Variants in ZNF468 observed in about 807,000 individuals in gnomAD.
ZNF468 encodes zinc finger protein ZNF468.
In ZNF468, 8 loss-of-function variants were observed where a neutral mutation model predicts 7.2. The ratio of observed to expected loss-of-function variants is 1.11; its 90% CI spans 0.65 to 2.01. ZNF468 has a LOEUF of 2.01. Ranked by LOEUF, ZNF468 falls within the 30% of genes most tolerant of loss-of-function variation. ZNF468 has a pLI of 0.00. For missense variants in ZNF468, 608 were observed against 626.5 expected (o/e 0.97, Z 0.31); for synonymous variants, 218 against 214.4 (o/e 1.02, Z -0.15).
Position 52,841,809 on chromosome 19 carries a change from T to G in ZNF468, c.485A>C (p.Asn162Thr), listed in dbSNP as rs142695012. 31 of 1,614,102 alleles carry G rather than the reference T, an allele frequency of 1.9e-5. No individual in the cohort carries two copies. In the African/African-American group the frequency reaches 3.7e-4, roughly 19 times the overall value. Residue 162 changes from asparagine to threonine, a missense_variant, in exon 4 of 4, where the codon AAT (asparagine) becomes ACT (threonine). Asn to Thr is a moderately conservative substitution (Grantham distance 65). Coordinates refer to ENST00000595646, the MANE Select transcript of ZNF468 (RefSeq NM_001008801.2). ...ATTGTTGATAGACTTCTCAACTTGA[T>G]TACCAATTTTCCCTTCAGACTGAAA... ...HIFQSEGKIG[N>T]QVEKSINNAS...
chr19:52,847,507 G>C (rs1175857613), intron 3 of ZNF468, among the ~76,000 whole-genome samples: 1 of 151,174 alleles, frequency 6.6e-6, no homozygotes, highest in African/African-American at 2.4e-5. Flanking sequence ...AAAGAGGGAG[G>C]CCTCTTTGCA....
chr19:52,851,920 G>A (rs1785619802), intron 2 of ZNF468, among the ~76,000 whole-genome samples: 1 of 152,100 alleles, frequency 6.6e-6, no homozygotes, highest in South Asian at 2.1e-4. Flanking sequence ...GCATGTATAT[G>A]TATAGATGTG....
Position 52,838,077 on chromosome 19 carries a change from T to C in ZNF468, c.*2648A>G, listed in dbSNP as rs1012157292. On this transcript the variant is annotated 3_prime_UTR_variant, in exon 4 of 4. Transcript: ENST00000595646. The stretch of plus-strand genomic sequence containing the variant: ...GACATCATGTGCAATTTTCACATAA[T>C]ATGTATTTTTTTCATGAACTTCTTG... 1 of 152,176 alleles carries C rather than the reference T, an allele frequency of 6.6e-6. No individual in the cohort carries two copies. Among genetic ancestry groups the C allele is most frequent in the Non-Finnish European group, 1.5e-5 (1 of 68,028 alleles). 9.4% of individuals were successfully genotyped at this position (152,176 alleles called of 1,614,324 possible). A position where few individuals can be genotyped will look rare whatever the true frequency, so the allele number is the denominator to read the frequency against.
rs73936430 is a variant in ZNF468 at position 52,841,421 on chromosome 19, C to T, written c.873G>A (p.Ala291=). 5,549 of 1,613,886 alleles carry T rather than the reference C, an allele frequency of 3.4e-3. 171 individuals carry two copies. In the African/African-American group the frequency reaches 0.065, roughly 19 times the overall value. The change falls in exon 4 of 4, where the codon GCG becomes GCA. Residue 291 remains alanine, a synonymous_variant. Coordinates refer to ENST00000595646, the MANE Select transcript of ZNF468 (RefSeq NM_001008801.2). ...GHNSSLFIHK[A]LHTGEKPYEC... is the part of the protein sequence containing the mutation. ...CATAAGGTTTCTCTCCAGTATGAAG[C>T]GCTTTGTGAATGAAGAGGGATGAAT...
chr19:52,845,870 G>T (rs375818784), intron 3 of ZNF468, among the ~76,000 whole-genome samples: 3 of 152,034 alleles, frequency 2.0e-5, no homozygotes, highest in East Asian at 3.9e-4. Context: ...GGCTGTGGTG[G>T]CGCATGCCTG....
chr19:52,857,204 C>T (rs1343364254), intron 1 of ZNF468, among the ~76,000 whole-genome samples: 2 of 151,916 alleles, frequency 1.3e-5, no homozygotes, highest in African/African-American at 4.8e-5. Context: ...CTGGGGTCGC[C>T]GCGCTGTGCT....
At chr19:52,854,109 T>G (rs2063415318) in intron 2 of ZNF468, 149 bp downstream of exon 2, 1 of 1,567,344 alleles carries the variant, frequency 6.4e-7, no homozygotes. Context: ...AGACGGAACC[T>G]AAGCGAGATG....
In ZNF468 at chr19:52,841,556, A is replaced by T. The variant is rs749368180; in HGVS notation, c.738T>A (p.Asp246Glu). ...TCTGATTAAAGACCTTGCCACATAC[A>T]TCACATTTACATTGTTTCTCTTCTA... Reference protein sequence around the residue: ...IHLEEKQCKCDVCGKVFNQKR... With the variant: ...IHLEEKQCKCEVCGKVFNQKR... Residue 246 changes from aspartate to glutamate, a missense_variant, in exon 4 of 4, where the codon GAT becomes GAA. Coordinates refer to ENST00000595646, the MANE Select transcript of ZNF468 (RefSeq NM_001008801.2). 2 of 1,614,146 alleles carry T rather than the reference A, an allele frequency of 1.2e-6. No homozygotes were observed. The highest frequency in any genetic ancestry group is 2.2e-5 in the East Asian group (1 of 44,864).
intron 2 of ZNF468, among the ~76,000 whole-genome samples, chr19:52,850,759 C>G (rs1164301107): frequency 6.6e-6 from 1 of 151,512 alleles, no homozygotes; most frequent in Admixed American, 6.6e-5. Context: ...ATTAGCCGGG[C>G]GTGGTGGCGG....
At chr19:52,856,892 T>G (rs569613849) in intron 1 of ZNF468, among the ~76,000 whole-genome samples, 1 of 152,242 alleles carries the variant, frequency 6.6e-6, no homozygotes, top group Non-Finnish European at 1.5e-5. Context: ...TCTCAGTCCC[T>G]CTCTCTGTCT....
chr19:52,850,823 C>T (rs28687979), intron 2 of ZNF468, among the ~76,000 whole-genome samples: 64,461 of 149,108 alleles, frequency 0.43, 13,695 homozygotes, highest in South Asian at 0.62. Context: ...GGCGTGAACC[C>T]GGGAGGTGGA....
In ZNF468 at chr19:52,840,720, C is replaced by A; in HGVS notation, c.*5G>T. On this transcript the variant is annotated 3_prime_UTR_variant, in exon 4 of 4. Coordinates refer to ENST00000595646, the MANE Select transcript of ZNF468 (RefSeq NM_001008801.2). ...ATGGAAGGTCTTGCCACACTCATTA[C>A]ACTATTAAGGCTTCTCTCCACTATG... The A allele has an allele frequency of 6.2e-7, 1 of 1,613,508 alleles. No homozygotes were observed. Among genetic ancestry groups the A allele is most frequent in the Non-Finnish European group, 8.5e-7 (1 of 1,179,634 alleles).
At chr19:52,842,956 T>G (rs2063317499) in intron 3 of ZNF468, among the ~76,000 whole-genome samples, 2 of 150,474 alleles carry the variant, frequency 1.3e-5, no homozygotes, top group Admixed American at 6.6e-5. Context: ...ACCCCGTCGC[T>G]ACTAAAGACA....
Position 52,841,060 on chromosome 19 carries a change from T to C in ZNF468, c.1234A>G (p.Lys412Glu), listed in dbSNP as rs1431146395. The C allele has an allele frequency of 1.2e-6, 2 of 1,612,816 alleles. No individual in the cohort carries two copies. Among genetic ancestry groups the C allele is most frequent in the Non-Finnish European group, 1.7e-6 (2 of 1,179,242 alleles). ...RRIHSGEKPYKCEECCKVFSR... is the reference protein window; with the variant it reads ...RRIHSGEKPYECEECCKVFSR... ...AAAACTTTGCAACATTCTTCACATT[T>C]GTAAGGTTTCTCTCCACTATGAATC... Residue 412 changes from lysine to glutamate, a missense_variant, in exon 4 of 4, where the codon AAA becomes GAA. Transcript: ENST00000595646.
At chr19:52,854,095 C>A (rs377509244) in intron 2 of ZNF468, 163 bp downstream of exon 2, 2 of 1,543,750 alleles carry the variant, frequency 1.3e-6, no homozygotes, top group Non-Finnish European at 1.7e-6. Context: ...CACTGGGTCA[C>A]GAGAGACGGA....
chr19:52,855,785 C>T (rs548628136), intron 1 of ZNF468, among the ~76,000 whole-genome samples: 103 of 152,326 alleles, frequency 6.8e-4, no homozygotes, highest in African/African-American at 2.3e-3. Context: ...ACCCAGACAC[C>T]GCCTCTATTT....
In ZNF468 at chr19:52,841,890, C is replaced by G; in HGVS notation, c.404G>C (p.Arg135Pro). Residue 135 changes from arginine to proline, a missense_variant, in exon 4 of 4, where the codon CGT becomes CCT. Transcript: ENST00000595646. ...QHDQRHAGNK[R>P]IKDQLGSSFH... ...GCTTGATCCAAGCTGATCTTTAATA[C>G]GCTTGTTTCCAGCATGCCTTTGATC... 1 of 1,614,026 alleles carries G rather than the reference C, an allele frequency of 6.2e-7. No homozygotes were observed. Among genetic ancestry groups the G allele is most frequent in the Non-Finnish European group, 8.5e-7 (1 of 1,180,008 alleles).
intron 1 of ZNF468, among the ~76,000 whole-genome samples, chr19:52,856,923 C>A: frequency 6.6e-6 from 1 of 152,114 alleles, no homozygotes; most frequent in Non-Finnish European, 1.5e-5. Context: ...TTGGCCCACA[C>A]GATCACAAGA....
chr19:52,848,707 C>A (rs1466346205), intron 3 of ZNF468, among the ~76,000 whole-genome samples: 2 of 152,054 alleles, frequency 1.3e-5, no homozygotes, highest in Non-Finnish European at 2.9e-5. Context: ...CGTGCCACCA[C>A]ACCCAGCTAA....
Sources: allele counts gnomAD v4.1 joint callset (sites outside exome capture counted in the v4.1 genomes callset), GRCh38; gene constraint gnomAD v4.1.1; transcripts MANE v1.5; gene names NCBI Gene and HGNC (gene_info 2026-07-23, HGNC 2026-07-21).